The following HS6ST3 variants were observed in gnomAD, a reference collection of about 807,000 sequenced individuals.
HS6ST3 encodes the protein heparan sulfate 6-O-sulfotransferase 3, also known as heparan-sulfate 6-O-sulfotransferase 3.
Under a neutral mutation model 36.7 loss-of-function variants are expected in HS6ST3, and 12 were observed. The ratio of observed to expected loss-of-function variants is 0.33; its 90% CI spans 0.21 to 0.53. The LOEUF (loss-of-function observed/expected upper bound fraction) is 0.53. Ranked by LOEUF, HS6ST3 falls within the 20% of genes least tolerant of loss-of-function variation. HS6ST3 has a pLI of 0.95. For synonymous variants in HS6ST3, 240 were observed against 257.5 expected, an observed-to-expected ratio of 0.93 and a Z score of 0.65; for missense variants, 584 against 640.9, an observed-to-expected ratio of 0.91 and a Z score of 0.96.
At chr13:96,814,948 T>C (rs775506666) in intron 1 of HS6ST3, among the ~76,000 whole-genome samples, 6 of 152,246 alleles carry the variant, frequency 3.9e-5, no homozygotes, top group Admixed American at 2.6e-4. Context: ...AGTCCATTTA[T>C]ATTTATTGAA....
intron 1 of HS6ST3, among the ~76,000 whole-genome samples, chr13:96,156,909 C>G (rs1389052743): frequency 6.6e-6 from 1 of 152,002 alleles, no homozygotes; most frequent in Non-Finnish European, 1.5e-5. Context: ...GGTGCCTGGC[C>G]AGGAACCATA....
At chr13:96,261,226 T>C (rs1473304615) in intron 1 of HS6ST3, among the ~76,000 whole-genome samples, 1 of 151,418 alleles carries the variant, frequency 6.6e-6, no homozygotes, top group African/African-American at 2.4e-5. Context: ...TGTTTAATGG[T>C]TGTAAAGCTA....
intron 1 of HS6ST3, among the ~76,000 whole-genome samples, chr13:96,542,958 A>G (rs1422623208): frequency 2.0e-5 from 3 of 152,164 alleles, no homozygotes; most frequent in Non-Finnish European, 4.4e-5. Context: ...GCTCGAAAGG[A>G]GATTTATATT....
chr13:96,350,528 T>C (rs145328205), intron 1 of HS6ST3, among the ~76,000 whole-genome samples: 5 of 152,374 alleles, frequency 3.3e-5, no homozygotes, highest in African/African-American at 1.2e-4. Context: ...AGAATTAGAA[T>C]CTATAAAATG....
At chr13:96,649,307 A>C (rs2056599592) in intron 1 of HS6ST3, among the ~76,000 whole-genome samples, 1 of 152,026 alleles carries the variant, frequency 6.6e-6, no homozygotes, top group African/African-American at 2.4e-5. Flanking sequence ...AAGGAGAAGT[A>C]CAGAGTGAAG....
intron 1 of HS6ST3, among the ~76,000 whole-genome samples, chr13:96,343,327 C>A (rs2055139203): frequency 6.6e-6 from 1 of 152,166 alleles, no homozygotes; most frequent in African/African-American, 2.4e-5. Context: ...TCTTGAGTCC[C>A]AGGGAGAATC....
Position 96,832,977 on chromosome 13 carries a change from G to T in HS6ST3, c.1195G>T (p.Asp399Tyr), listed in dbSNP as rs780327968. 1.3e-5 allele frequency: 21 copies of T among 1,614,046 alleles called. No homozygotes were observed. The highest frequency in any genetic ancestry group is 2.2e-5 in the East Asian group (1 of 44,898). ...CGAGGGTGCCCGCCAACGCATTGAGGATCTAAACTTCCTGGACATGCAGCT... is the reference window on the plus strand; with the variant it reads ...CGAGGGTGCCCGCCAACGCATTGAGTATCTAAACTTCCTGGACATGCAGCT... ...INEGARQRIE[D>Y]LNFLDMQLYE... is the part of the protein sequence containing the mutation. The change falls in exon 2 of 2, where the codon GAT becomes TAT. Residue 399 changes from aspartate to tyrosine, a missense_variant. By Grantham distance (160) the Asp-to-Tyr change is radical. Coordinates refer to ENST00000376705, the MANE Select transcript of HS6ST3 (RefSeq NM_153456.4).
chr13:96,145,600 G>A (rs2054054143), intron 1 of HS6ST3, among the ~76,000 whole-genome samples: 1 of 152,000 alleles, frequency 6.6e-6, no homozygotes. Context: ...CCATTCTGTA[G>A]GTTGCCTTTT....
chr13:96,375,835 G>A (rs950445830), intron 1 of HS6ST3, among the ~76,000 whole-genome samples: 1 of 152,162 alleles, frequency 6.6e-6, no homozygotes, highest in East Asian at 1.9e-4. Context: ...ATTGCTGTTT[G>A]TGACACTAGC....
intron 1 of HS6ST3, among the ~76,000 whole-genome samples, chr13:96,266,838 G>A (rs2054694720): frequency 6.6e-6 from 1 of 152,126 alleles, no homozygotes. Flanking sequence ...TAAATCAGAA[G>A]TGAACAAAAT....
chr13:96,443,562 G>A lies in HS6ST3; in HGVS notation c.707+351993G>A, dbSNP rs558561935. The stretch of plus-strand genomic sequence containing the variant: ...AAAAAAAAAAAAAGCAGACTAAAAT[G>A]TAGCCTAATTTTGATCACTATTTAA... On this transcript the variant is annotated intron_variant, in intron 1 of 1. Transcript: ENST00000376705. 1.8e-3 allele frequency among the ~76,000 whole-genome samples: 263 copies of A among 144,442 alleles called. 1 individual carries two copies. The highest frequency in any genetic ancestry group is 6.1e-3 in the African/African-American group (243 of 39,658). 94.8% of individuals were successfully genotyped at this position (144,442 alleles called of 152,430 possible). A position where few individuals can be genotyped will look rare whatever the true frequency, so the allele number is the denominator to read the frequency against.
chr13:96,669,079 C>T (rs907695163), intron 1 of HS6ST3, among the ~76,000 whole-genome samples: 2 of 151,968 alleles, frequency 1.3e-5, no homozygotes, highest in Non-Finnish European at 2.9e-5. Flanking sequence ...TGTGCTAAAA[C>T]CTGTTATTTG....
At chr13:96,420,269 C>T (rs1287385387) in intron 1 of HS6ST3, among the ~76,000 whole-genome samples, 1 of 152,010 alleles carries the variant, frequency 6.6e-6, no homozygotes, top group African/African-American at 2.4e-5. Context: ...GATTACGGTA[C>T]ATCTTTGAAG....
intron 1 of HS6ST3, among the ~76,000 whole-genome samples, chr13:96,497,965 C>T (rs2055985393): frequency 6.6e-6 from 1 of 152,274 alleles, no homozygotes; most frequent in Non-Finnish European, 1.5e-5. Flanking sequence ...GAGAGAATCA[C>T]AGAGTGATTG....
intron 1 of HS6ST3, among the ~76,000 whole-genome samples, chr13:96,237,875 T>C (rs1016415634): frequency 3.5e-4 from 54 of 152,206 alleles, no homozygotes; most frequent in African/African-American, 1.3e-3. Context: ...TCTCACTCGA[T>C]GACTTTTCAT....
chr13:96,538,775 A>G (rs1415318574), intron 1 of HS6ST3, among the ~76,000 whole-genome samples: 1 of 152,212 alleles, frequency 6.6e-6, no homozygotes, highest in Non-Finnish European at 1.5e-5. Context: ...AGAAGTATCT[A>G]TACTGCATAG....
At chr13:96,362,098 G>T (rs887562618) in intron 1 of HS6ST3, among the ~76,000 whole-genome samples, 3 of 152,126 alleles carry the variant, frequency 2.0e-5, no homozygotes, top group Non-Finnish European at 4.4e-5. Flanking sequence ...TAAATTCAGT[G>T]GAAGAGTAAT....
At chr13:96,176,132 T>C (rs966350666) in intron 1 of HS6ST3, among the ~76,000 whole-genome samples, 1 of 152,154 alleles carries the variant, frequency 6.6e-6, no homozygotes, top group Non-Finnish European at 1.5e-5. Context: ...CCTGGCCAAA[T>C]ATATTTAAAT....
chr13:96,633,636 T>C (rs1473624196), intron 1 of HS6ST3, among the ~76,000 whole-genome samples: 2 of 152,144 alleles, frequency 1.3e-5, no homozygotes, highest in Non-Finnish European at 2.9e-5. Flanking sequence ...ATCAATATTC[T>C]TGTTGGCCAC....
Sources: gnomAD v4.1 joint callset for allele counts (sites outside exome capture counted in the v4.1 genomes callset) on GRCh38, gnomAD v4.1.1 for gene constraint, MANE v1.5 for transcripts, NCBI Gene and HGNC (gene_info 2026-07-23, HGNC 2026-07-21) for gene names.